The following PLCB1 variants were observed in gnomAD, a reference collection of about 807,000 sequenced individuals.
PLCB1 encodes 1-phosphatidylinositol 4,5-bisphosphate phosphodiesterase beta-1.
Under a neutral mutation model 161.8 loss-of-function variants are expected in PLCB1, and 46 were observed. That is an observed-to-expected ratio of 0.28 (90% confidence interval 0.22 to 0.36). The LOEUF is 0.36. Among genes scored for constraint, PLCB1 ranks in the 10% least tolerant of loss-of-function variants. The pLI, the probability that PLCB1 is intolerant of heterozygous loss-of-function variation, is 1.00. For missense variants in PLCB1, 1,016 were observed against 1,472.5 expected, an observed-to-expected ratio of 0.69 and a Z score of 5.07; for synonymous variants, 517 against 503.7, an observed-to-expected ratio of 1.03 and a Z score of -0.35.
chr20:8,692,907 C>A (rs1415402052), intron 10 of PLCB1, among the ~76,000 whole-genome samples: 3 of 152,072 alleles, frequency 2.0e-5, no homozygotes, highest in Non-Finnish European at 4.4e-5. Flanking sequence ...AGAGTCACAC[C>A]ACACATCAAT....
At chr20:8,365,901 A>T (rs1001589137) in intron 2 of PLCB1, among the ~76,000 whole-genome samples, 16 of 152,184 alleles carry the variant, frequency 1.1e-4, no homozygotes, top group African/African-American at 3.6e-4. Flanking sequence ...ATGGAATTCA[A>T]TAACAATGCA....
At chr20:8,435,778 T>C (rs1980273438) in intron 3 of PLCB1, among the ~76,000 whole-genome samples, 1 of 152,174 alleles carries the variant, frequency 6.6e-6, no homozygotes, top group South Asian at 2.1e-4. Context: ...GGTTTAGACG[T>C]TAATATCCCA....
intron 3 of PLCB1, among the ~76,000 whole-genome samples, chr20:8,541,600 GAAAGA>G (rs71183096): frequency 1.3e-5 from 2 of 150,646 alleles, no homozygotes; most frequent in Admixed American, 6.7e-5. Context: ...AAGAAAGAAA[GAAAGA>G]AAGGAAGGAA....
At chr20:8,693,924 G>C (rs898950249) in intron 10 of PLCB1, among the ~76,000 whole-genome samples, 2 of 152,170 alleles carry the variant, frequency 1.3e-5, no homozygotes, top group Non-Finnish European at 2.9e-5. Flanking sequence ...TTCAATCATG[G>C]ACTTGGAATG....
intron 2 of PLCB1, among the ~76,000 whole-genome samples, chr20:8,161,114 A>G (rs544337407): frequency 6.6e-6 from 1 of 152,112 alleles, no homozygotes; most frequent in East Asian, 1.9e-4. Context: ...TGCCAGACAC[A>G]ATTCTAATAA....
intron 3 of PLCB1, among the ~76,000 whole-genome samples, chr20:8,398,089 G>T (rs1324792413): frequency 2.6e-5 from 4 of 151,972 alleles, no homozygotes; most frequent in African/African-American, 9.7e-5. Flanking sequence ...TCACCACAAA[G>T]TGTATTGTTA....
intron 3 of PLCB1, among the ~76,000 whole-genome samples, chr20:8,614,999 C>T (rs984905993): frequency 6.6e-5 from 10 of 152,098 alleles, no homozygotes; most frequent in Admixed American, 5.2e-4. Context: ...AAAAAACTCA[C>T]CTATGATTCC....
chr20:8,375,259 C>T (rs1199178781), intron 3 of PLCB1, among the ~76,000 whole-genome samples: 3 of 152,076 alleles, frequency 2.0e-5, no homozygotes, highest in Admixed American at 6.5e-5. Flanking sequence ...GTAGAGCACA[C>T]GTAAGGGCAA....
intron 2 of PLCB1, among the ~76,000 whole-genome samples, chr20:8,243,007 A>G (rs1303038168): frequency 6.6e-6 from 1 of 152,028 alleles, no homozygotes; most frequent in African/African-American, 2.4e-5. Flanking sequence ...GTCAGTGGCC[A>G]GTAGCCTCAA....
chr20:8,586,691 C>T (rs761401542), intron 3 of PLCB1, among the ~76,000 whole-genome samples: 2 of 152,132 alleles, frequency 1.3e-5, no homozygotes, highest in Non-Finnish European at 2.9e-5. Context: ...ATTAGAGAAT[C>T]CCCTTTTCAC....
chr20:8,142,921 G>T (rs187162253), intron 1 of PLCB1, among the ~76,000 whole-genome samples: 2 of 152,022 alleles, frequency 1.3e-5, no homozygotes, highest in Admixed American at 6.5e-5. Context: ...TATTCCAGCT[G>T]CCCTCCTGCC....
chr20:8,870,030 A>G (rs1335020605), intron 31 of PLCB1, among the ~76,000 whole-genome samples: 1 of 152,216 alleles, frequency 6.6e-6, no homozygotes, highest in African/African-American at 2.4e-5. Context: ...ATGCCTGCTA[A>G]CATCCTATTA....
chr20:8,811,699 T>C (rs138763254), intron 31 of PLCB1, among the ~76,000 whole-genome samples: 36 of 152,334 alleles, frequency 2.4e-4, no homozygotes, highest in African/African-American at 8.4e-4. Flanking sequence ...GTTGAGTACA[T>C]GAACAGCAAT....
chr20:8,808,867 G>C (rs1270432507), intron 31 of PLCB1, among the ~76,000 whole-genome samples: 1 of 152,032 alleles, frequency 6.6e-6, no homozygotes, highest in East Asian at 1.9e-4. Context: ...TTTGTGACCT[G>C]GTTATTCAAC....
intron 10 of PLCB1, among the ~76,000 whole-genome samples, chr20:8,687,760 C>T (rs1460451007): frequency 6.6e-6 from 1 of 152,184 alleles, no homozygotes; most frequent in African/African-American, 2.4e-5. Context: ...GTTGGTTCCA[C>T]GATTTTGCTA....
intron 3 of PLCB1, among the ~76,000 whole-genome samples, chr20:8,543,819 A>G (rs1985431654): frequency 6.6e-6 from 1 of 152,050 alleles, no homozygotes; most frequent in Admixed American, 6.6e-5. Flanking sequence ...TGGTTTTAAT[A>G]AGGGGGCTCA....
intron 3 of PLCB1, among the ~76,000 whole-genome samples, chr20:8,583,243 T>C (rs1689497345): frequency 6.6e-6 from 1 of 152,090 alleles, no homozygotes; most frequent in Non-Finnish European, 1.5e-5. Flanking sequence ...AGAGTGTCTA[T>C]TATGCAGAGT....
At chr20:8,661,450 C>T (rs951477586) in intron 9 of PLCB1, among the ~76,000 whole-genome samples, 2 of 152,098 alleles carry the variant, frequency 1.3e-5, no homozygotes, top group African/African-American at 4.8e-5. Flanking sequence ...GTATAACGTG[C>T]ATCCTCAGTC....
chr20:8,246,075 A>G (rs1330959926), intron 2 of PLCB1, among the ~76,000 whole-genome samples: 3 of 152,062 alleles, frequency 2.0e-5, no homozygotes, highest in East Asian at 3.9e-4. Flanking sequence ...AACATGAAAT[A>G]GGGTGGTTTA....
Sources: allele counts gnomAD v4.1 joint callset (sites outside exome capture counted in the v4.1 genomes callset), GRCh38; gene constraint gnomAD v4.1.1; transcripts MANE v1.5; gene names NCBI Gene and HGNC (gene_info 2026-07-23, HGNC 2026-07-21).